The following TDRD3 variants were observed in gnomAD, a reference collection of about 807,000 sequenced individuals.
TDRD3 encodes the protein tudor domain-containing protein 3.
In TDRD3, 45 loss-of-function variants were observed where a neutral mutation model predicts 86.7. The ratio of observed to expected loss-of-function variants is 0.52; its 90% CI spans 0.41 to 0.67. The LOEUF (loss-of-function observed/expected upper bound fraction) is 0.67. TDRD3 is among the 30% of genes least tolerant of loss of function. TDRD3 has a pLI of 0.00. For missense variants in TDRD3, 814 were observed against 889.0 expected, an observed-to-expected ratio of 0.92 and a Z score of 1.07; for synonymous variants, 298 against 301.7, an observed-to-expected ratio of 0.99 and a Z score of 0.13.
At chr13:60,399,560 G>T (rs1385176685) in intron 1 of TDRD3, among the ~76,000 whole-genome samples, 1 of 152,162 alleles carries the variant, frequency 6.6e-6, no homozygotes, top group East Asian at 1.9e-4. Context: ...AATCACAAAG[G>T]TTTAAAGGCA....
intron 13 of TDRD3, among the ~76,000 whole-genome samples, chr13:60,570,492 C>CAGTA (rs1329076449): frequency 1.1e-4 from 16 of 152,202 alleles, no homozygotes; most frequent in African/African-American, 3.6e-4. Context: ...CTATGGAGAA[C>CAGTA]AGTAAGTTGG....
Position 60,567,558 on chromosome 13 carries a change from T to C in TDRD3, c.2152T>C (p.Phe718Leu), listed in dbSNP as rs1197235731. Residue 718 changes from phenylalanine (F) to leucine (L), a missense_variant, in exon 13 of 14, where the codon TTC becomes CTC. By Grantham distance (22) the Phe-to-Leu change is conservative. Transcript: ENST00000377881. ...AGGCACCTACGATCAAACTCTGGAG[T>C]TCCGTAGGGGAGGTGATGGCCAGCC... The part of the protein sequence containing the change: ...EEGTYDQTLE[F>L]RRGGDGQPRR... 1 of 1,614,068 alleles carries C rather than the reference T, an allele frequency of 6.2e-7. No homozygotes were observed. Among genetic ancestry groups the C allele is most frequent in the East Asian group, 2.2e-5 (1 of 44,872 alleles).
chr13:60,534,849 G>A (rs1010470536), intron 11 of TDRD3, among the ~76,000 whole-genome samples: 7 of 150,280 alleles, frequency 4.7e-5, no homozygotes, highest in South Asian at 2.1e-4. Context: ...GATCGCTTGG[G>A]CTGGGGAGGC....
chr13:60,549,611 CGT>C (rs1003861922), intron 12 of TDRD3, among the ~76,000 whole-genome samples: 1 of 152,020 alleles, frequency 6.6e-6, no homozygotes, highest in African/African-American at 2.4e-5. Flanking sequence ...CGTGGACAAA[CGT>C]GAGAGATATC....
intron 5 of TDRD3, among the ~76,000 whole-genome samples, chr13:60,476,020 C>T (rs1956179878): frequency 6.6e-6 from 1 of 152,076 alleles, no homozygotes; most frequent in African/African-American, 2.4e-5. Context: ...GTTTCCTTTG[C>T]TGTGCAGAAG....
intron 4 of TDRD3, among the ~76,000 whole-genome samples, chr13:60,462,618 C>T (rs893406885): frequency 3.3e-5 from 5 of 152,066 alleles, no homozygotes; most frequent in Admixed American, 6.6e-5. Flanking sequence ...CATTTCTCTG[C>T]GGTGCTTGTT....
intron 1 of TDRD3, among the ~76,000 whole-genome samples, chr13:60,437,587 TTTAAA>T (rs1425528176): frequency 1.3e-5 from 2 of 151,060 alleles, no homozygotes; most frequent in African/African-American, 2.4e-5. Context: ...TTTGGTTATT[TTTAAA>T]TTAAATTAAT....
chr13:60,431,225 C>T (rs1360933314), intron 1 of TDRD3, among the ~76,000 whole-genome samples: 5 of 151,916 alleles, frequency 3.3e-5, no homozygotes, highest in Non-Finnish European at 4.4e-5. Flanking sequence ...AACCTTTAAG[C>T]TAGTTTAGTA....
intron 5 of TDRD3, among the ~76,000 whole-genome samples, chr13:60,481,670 A>G (rs796270383): frequency 6.6e-6 from 1 of 152,072 alleles, no homozygotes; most frequent in Non-Finnish European, 1.5e-5. Flanking sequence ...CATAGTTTTA[A>G]TAGCTGTTTA....
At chr13:60,473,024 C>G (rs1388681582) in intron 5 of TDRD3, among the ~76,000 whole-genome samples, 1 of 152,110 alleles carries the variant, frequency 6.6e-6, no homozygotes, top group African/African-American at 2.4e-5. Flanking sequence ...CCATTTTCTG[C>G]TGCTATAACA....
Position 60,483,379 on chromosome 13 carries a change from G to C in TDRD3, c.496-396G>C, listed in dbSNP as rs532477793. Among the ~76,000 whole-genome samples the C allele has an allele frequency of 2.0e-5, 3 of 152,004 alleles. No individual in the cohort carries two copies. In the East Asian group the frequency reaches 5.8e-4, roughly 29 times the overall value. On this transcript the variant is annotated intron_variant, in intron 5 of 13. Transcript: ENST00000377881. ...ACCCTTATGTTAACTAATAAATTTG[G>C]TGTCTAAAAAATTTATTTTTGAAGA... is the stretch of plus-strand genomic sequence containing the variant.
intron 5 of TDRD3, among the ~76,000 whole-genome samples, chr13:60,471,647 A>T (rs1368867263): frequency 6.6e-6 from 1 of 152,148 alleles, no homozygotes; most frequent in Non-Finnish European, 1.5e-5. Flanking sequence ...TGACCATGGG[A>T]AGTCCTTTTC....
chr13:60,403,530 T>C (rs946952825), intron 1 of TDRD3, among the ~76,000 whole-genome samples: 1 of 152,172 alleles, frequency 6.6e-6, no homozygotes, highest in Non-Finnish European at 1.5e-5. Flanking sequence ...AATTTTCATG[T>C]AAAAATTTGA....
intron 10 of TDRD3, among the ~76,000 whole-genome samples, chr13:60,513,962 G>T (rs1331855111): frequency 6.6e-6 from 1 of 152,218 alleles, no homozygotes; most frequent in Non-Finnish European, 1.5e-5. Flanking sequence ...ATGTGGAAGT[G>T]ACTTGGGAAC....
intron 12 of TDRD3, 123 bp downstream of exon 12, chr13:60,535,356 G>T: frequency 1.8e-6 from 2 of 1,103,648 alleles, no homozygotes; most frequent in Non-Finnish European, 2.4e-6. Context: ...CTTATAACTG[G>T]CTACCCCTAA....
intron 12 of TDRD3, among the ~76,000 whole-genome samples, chr13:60,564,622 C>T (rs1312233007): frequency 2.6e-5 from 4 of 152,190 alleles, no homozygotes; most frequent in Non-Finnish European, 5.9e-5. Context: ...ATAGACTCAT[C>T]TGTCGAATCT....
At chr13:60,515,824 C>A (rs1261048072) in intron 10 of TDRD3, among the ~76,000 whole-genome samples, 1 of 152,158 alleles carries the variant, frequency 6.6e-6, no homozygotes, top group Non-Finnish European at 1.5e-5. Flanking sequence ...AAAGTTGAAT[C>A]TCCACTTTGG....
chr13:60,397,156 G>T, upstream of TDRD3: 1 of 400,710 alleles, frequency 2.5e-6, no homozygotes, highest in Non-Finnish European at 4.4e-6. Context: ...CCCACACCAG[G>T]CCGGCCCCTA....
chr13:60,456,846 C>G (rs1343194312), intron 3 of TDRD3, among the ~76,000 whole-genome samples: 3 of 152,054 alleles, frequency 2.0e-5, no homozygotes, highest in African/African-American at 7.2e-5. Context: ...CAAGCACACA[C>G]CACCACGCTT....
Sources: allele counts gnomAD v4.1 joint callset (sites outside exome capture counted in the v4.1 genomes callset), GRCh38; gene constraint gnomAD v4.1.1; transcripts MANE v1.5; gene names NCBI Gene and HGNC (gene_info 2026-07-23, HGNC 2026-07-21).